The following MEI1 variants were observed in gnomAD, a reference collection of about 807,000 sequenced individuals.
MEI1 encodes the protein meiosis inhibitor protein 1.
MEI1 carries 103 observed loss-of-function variants against 146.2 expected under a neutral mutation model. That is an observed-to-expected ratio of 0.70 (90% CI 0.60 to 0.83). The LOEUF is 0.83. Among genes scored for constraint, MEI1 ranks in the 40% least tolerant of loss-of-function variants. MEI1 has a pLI of 0.00. For synonymous variants in MEI1, 652 were observed against 628.2 expected, an observed-to-expected ratio of 1.04 and a Z score of -0.57; for missense variants, 1,529 against 1,533.0, an observed-to-expected ratio of 1.00 and a Z score of 0.04.
rs922417870 is a variant in MEI1, at chr22:41,786,199, C to T, written c.3345+1416C>T. 5.3e-5 allele frequency among the ~76,000 whole-genome samples: 8 copies of T among 152,176 alleles called. No individual in the cohort carries two copies. The East Asian group carries it at 1.2e-3, about 22-fold the overall frequency. On this transcript the variant is annotated intron_variant, in intron 26 of 30. Coordinates refer to ENST00000401548, the MANE Select transcript of MEI1 (RefSeq NM_152513.4). ...TGCTGGGATTACAGGCGTGAGCCAC[C>T]GCGCCCGGCCCCTATTTTTATTTTT...
In MEI1 at chr22:41,781,206, T is replaced by A; in HGVS notation, c.2816-78T>A. On this transcript the variant is annotated intron_variant, in intron 22 of 30. Coordinates refer to ENST00000401548, the MANE Select transcript of MEI1 (RefSeq NM_152513.4). The stretch of plus-strand genomic sequence containing the variant: ...TGCTCCCCAAGACTGACATCTGAAA[T>A]AGCCAGTCGCAGGCTACCACCTATG... 4 of 979,118 alleles carry A rather than the reference T, an allele frequency of 4.1e-6. No individual in the cohort carries two copies. The South Asian group carries it at 5.5e-5, about 14-fold the overall frequency. The allele number at this position is 979,118 out of a possible 1,614,324, so 60.7% of individuals were successfully genotyped here.
rs759915989 is a variant in MEI1 at position 41,763,257 on chromosome 22, TG to T, written c.2206del (p.Val736SerfsTer31). 20 of 1,613,820 alleles carry T rather than the reference TG, an allele frequency of 1.2e-5. No individual in the cohort carries two copies. The highest frequency in any genetic ancestry group is 1.6e-5 in the Non-Finnish European group (19 of 1,179,856). On this transcript the variant is annotated frameshift_variant, in exon 19 of 31. Coordinates refer to ENST00000401548, the MANE Select transcript of MEI1 (RefSeq NM_152513.4). LOFTEE classifies it high-confidence loss of function. ...GACCAGGGCGAGCGCCCCCCACTGG[TG>T]GTCTTCAAAGCCTCCATCTATCTGC... is the stretch of plus-strand genomic sequence containing the variant. The part of the protein sequence containing the change: ...LQDQGERPPL[V>X]VFKASIYLLA...
chr22:41,794,431 G>A lies in MEI1; in HGVS notation c.3488G>A (p.Gly1163Glu), dbSNP rs776283749. 1 of 1,613,994 alleles carries A rather than the reference G, an allele frequency of 6.2e-7. No individual in the cohort carries two copies. The highest frequency in any genetic ancestry group is 2.2e-5 in the East Asian group (1 of 44,882). ...RFLLFTLLDA[G>E]ENSFLRPEIL... ...TTGCTGTTTACCCTCTTGGATGCTGGAGAGAATTCCTTCCTCAGACCTGAG... is the reference window on the plus strand; with the variant it reads ...TTGCTGTTTACCCTCTTGGATGCTGAAGAGAATTCCTTCCTCAGACCTGAG... The change falls in exon 28 of 31, where the codon GGA becomes GAA. Residue 1163 changes from glycine to glutamate, a missense_variant. Gly to Glu is a moderately conservative substitution (Grantham distance 98, BLOSUM62 -2). Transcript: ENST00000401548.
chr22:41,735,579 A>T (rs962044856), intron 11 of MEI1, among the ~76,000 whole-genome samples: 7 of 152,164 alleles, frequency 4.6e-5, no homozygotes, highest in African/African-American at 1.7e-4. Context: ...TTTGGTCCAC[A>T]GTTGATTGAA....
At chr22:41,752,810 G>A (rs1218155445) in intron 16 of MEI1, among the ~76,000 whole-genome samples, 159 bp downstream of exon 16, 1 of 152,186 alleles carries the variant, frequency 6.6e-6, no homozygotes, top group Admixed American at 6.5e-5. Context: ...AGCTGGTCAT[G>A]CTTCTGTAGG....
intron 20 of MEI1, among the ~76,000 whole-genome samples, chr22:41,775,134 T>C (rs953323776): frequency 1.3e-5 from 2 of 152,224 alleles, no homozygotes; most frequent in African/African-American, 4.8e-5. Flanking sequence ...CTGGTGCAGC[T>C]TTCTGACTGG....
intron 18 of MEI1, among the ~76,000 whole-genome samples, chr22:41,762,536 A>G (rs2074560861): frequency 6.7e-6 from 1 of 148,356 alleles, no homozygotes; most frequent in Non-Finnish European, 1.5e-5. Flanking sequence ...CTACACAACC[A>G]GCTAATTTAA....
intron 19 of MEI1, among the ~76,000 whole-genome samples, chr22:41,766,856 C>T (rs73163314): frequency 0.016 from 2,484 of 152,258 alleles, 51 homozygotes; most frequent in Admixed American, 0.059. Context: ...GAGAATTACT[C>T]GTGTAGATTC....
At chr22:41,758,316 GTTC>G (rs779848601) in intron 17 of MEI1, 46 bp from the exon 18 acceptor site, 17 of 1,571,096 alleles carry the variant, frequency 1.1e-5, no homozygotes, top group Non-Finnish European at 1.4e-5. Context: ...CTGATTACCT[GTTC>G]TTCTATGTTC....
In MEI1 at chr22:41,754,046, G is replaced by C; in HGVS notation, c.1951G>C (p.Glu651Gln). Reference protein sequence around the residue: ...PEKTGPPSKEELSAVSELLQH... With the variant: ...PEKTGPPSKEQLSAVSELLQH... ...GAAGACAGGACCACCTTCCAAAGAAGGTAAGATGCTACAATTTGACCACTC... is the reference window on the plus strand; with the variant it reads ...GAAGACAGGACCACCTTCCAAAGAACGTAAGATGCTACAATTTGACCACTC... The change falls in exon 17 of 31, where the codon GAA (glutamate) becomes CAA (glutamine). Residue 651 changes from glutamate to glutamine, a missense_variant and splice_region_variant. Physicochemically the swap from Glu to Gln is conservative, Grantham distance 29 (BLOSUM62 2). Coordinates refer to ENST00000401548, the MANE Select transcript of MEI1 (RefSeq NM_152513.4). 6.2e-7 allele frequency: 1 copy of C among 1,607,224 alleles called. No homozygotes were observed. Among genetic ancestry groups the C allele is most frequent in the Non-Finnish European group, 8.5e-7 (1 of 1,173,906 alleles).
chr22:41,716,668 G>A (rs572422574), intron 5 of MEI1, among the ~76,000 whole-genome samples: 2 of 145,698 alleles, frequency 1.4e-5, no homozygotes, highest in East Asian at 2.1e-4. Flanking sequence ...GAGCCACCAC[G>A]CTGGCCTTCC....
rs2073246710 is a variant in MEI1 at position 41,745,901 on chromosome 22, C to G, written c.1555C>G (p.Gln519Glu). The G allele has an allele frequency of 6.2e-7, 1 of 1,610,282 alleles. No individual in the cohort carries two copies. The highest frequency in any genetic ancestry group is 2.2e-5 in the East Asian group (1 of 44,802). ...RSACRLAIEFQSEPSAQENPF... is the reference protein window; with the variant it reads ...RSACRLAIEFESEPSAQENPF... ...ATTTCTTAGGTTGGCTATAGAATTC[C>G]AGAGTGAGCCTTCAGCCCAGGAGAA... Residue 519 changes from glutamine to glutamate, a missense_variant, in exon 14 of 31, where the codon CAG becomes GAG. Coordinates refer to ENST00000401548, the MANE Select transcript of MEI1 (RefSeq NM_152513.4).
intron 24 of MEI1, among the ~76,000 whole-genome samples, chr22:41,783,383 C>T (rs1038239944): frequency 1.1e-4 from 17 of 151,310 alleles, no homozygotes; most frequent in African/African-American, 4.1e-4. Context: ...ACCTCTGCCT[C>T]CTGGGTTCAA....
intron 4 of MEI1, among the ~76,000 whole-genome samples, chr22:41,714,716 C>CA (rs59541417): frequency 1.6e-4 from 23 of 144,956 alleles, no homozygotes; most frequent in Admixed American, 5.6e-4. Flanking sequence ...ACTAAAAATA[C>CA]AAAAAAAAAA....
chr22:41,704,755 C>G (rs1042974086), intron 2 of MEI1, among the ~76,000 whole-genome samples: 1 of 152,036 alleles, frequency 6.6e-6, no homozygotes, highest in Non-Finnish European at 1.5e-5. Context: ...TGCTCTGTCA[C>G]CCAGACTGGA....
intron 15 of MEI1, among the ~76,000 whole-genome samples, chr22:41,751,122 AG>A (rs1158474882): frequency 6.6e-6 from 1 of 152,054 alleles, no homozygotes; most frequent in Non-Finnish European, 1.5e-5. Flanking sequence ...AATGGTATGG[AG>A]ACTTGGAGTA....
intron 15 of MEI1, 68 bp downstream of exon 15, chr22:41,748,286 C>A: frequency 9.9e-7 from 1 of 1,009,072 alleles, no homozygotes; most frequent in South Asian, 1.3e-5. Flanking sequence ...AGAGAGTATT[C>A]AAAGAGAGGA....
chr22:41,706,757 C>A (rs1175498515), intron 3 of MEI1, among the ~76,000 whole-genome samples: 1 of 151,714 alleles, frequency 6.6e-6, no homozygotes, highest in East Asian at 1.9e-4. Flanking sequence ...ATGGGTTTAC[C>A]TATAAAGGGT....
intron 4 of MEI1, among the ~76,000 whole-genome samples, chr22:41,715,689 T>C (rs5758432): frequency 0.83 from 126,821 of 152,062 alleles, 53,848 homozygotes; most frequent in African/African-American, 0.95. Flanking sequence ...CCACCACGCC[T>C]GGCCAACAAT....
Sources: allele counts gnomAD v4.1 joint callset (sites outside exome capture counted in the v4.1 genomes callset), GRCh38; gene constraint gnomAD v4.1.1; transcripts MANE v1.5; gene names NCBI Gene and HGNC (gene_info 2026-07-23, HGNC 2026-07-21).